The following ADAMTSL2 variants were observed in gnomAD, a reference collection of about 807,000 sequenced individuals.
ADAMTSL2 encodes ADAMTS like 2.
In ADAMTSL2, 55 loss-of-function variants were observed where a neutral mutation model predicts 117.0. The ratio of observed to expected loss-of-function variants is 0.47; its 90% CI spans 0.38 to 0.59. ADAMTSL2 has a LOEUF of 0.59. Ranked by LOEUF, ADAMTSL2 falls within the 20% of genes least tolerant of loss-of-function variation. The pLI, the probability that ADAMTSL2 is intolerant of heterozygous loss-of-function variation, is 0.00. For synonymous variants in ADAMTSL2, 572 were observed against 566.4 expected (o/e 1.01, Z -0.14); for missense variants, 1,182 against 1,354.5 (o/e 0.87, Z 2.00).
chr9:133,538,386 A>G lies in ADAMTSL2; in HGVS notation c.271A>G (p.Thr91Ala), dbSNP rs1310341796. Reference sequence around the variant, plus strand: ...CCCGGGCCCCGGGAACAGGACCTGCACGGGCACGTCCAAGCGGTACCAGCT... The same window carrying G: ...CCCGGGCCCCGGGAACAGGACCTGCGCGGGCACGTCCAAGCGGTACCAGCT... ...SVPGPGNRTC[T>A]GTSKRYQLCR... Residue 91 changes from threonine to alanine, a missense_variant, in exon 4 of 19, where the codon ACG becomes GCG. By Grantham distance (58) the Thr-to-Ala change is moderately conservative (BLOSUM62 0). Transcript: ENST00000651351. 6.2e-7 allele frequency: 1 copy of G among 1,613,190 alleles called. No homozygotes were observed. The highest frequency in any genetic ancestry group is 8.5e-7 in the Non-Finnish European group (1 of 1,180,046).
At chr9:133,560,572 G>C (rs1257484890) in intron 11 of ADAMTSL2, among the ~76,000 whole-genome samples, 5 of 152,270 alleles carry the variant, frequency 3.3e-5, no homozygotes, top group Non-Finnish European at 7.3e-5. Flanking sequence ...AAGAATCATA[G>C]CTGGTGGCTG....
chr9:133,567,517 A>T (rs1198802858), intron 13 of ADAMTSL2, among the ~76,000 whole-genome samples: 2 of 152,100 alleles, frequency 1.3e-5, no homozygotes, highest in Non-Finnish European at 2.9e-5. Flanking sequence ...AGCTGAGTGC[A>T]TCCTACACCT....
rs200207518 is a variant in ADAMTSL2, at chr9:133,558,376, A to G, written c.1649+2446A>G. Among the ~76,000 whole-genome samples the G allele has an allele frequency of 0.055, 8,421 of 152,308 alleles. 307 individuals are homozygous for G. The highest frequency in any genetic ancestry group is 0.15 in the South Asian group (732 of 4,824). On this transcript the variant is annotated intron_variant, in intron 11 of 18. Transcript: ENST00000651351. This position sits in a 1 kb window ranked among gnomAD's most constrained non-coding sequence, Gnocchi z 4.3. The stretch of plus-strand genomic sequence containing the variant: ...AACACAGGAAGTCGTGTCTGCTCAG[A>G]GAAGGCAAAATCAAAGGGGCAGCCC...
At chr9:133,541,120 C>A in intron 7 of ADAMTSL2, 119 bp downstream of exon 7, 1 of 1,420,684 alleles carries the variant, frequency 7.0e-7, no homozygotes, top group Non-Finnish European at 9.7e-7. Flanking sequence ...CCTCTAGGGG[C>A]ACCTGATTCA....
intron 1 of ADAMTSL2, among the ~76,000 whole-genome samples, chr9:133,535,822 C>T (rs1440377765): frequency 6.6e-6 from 1 of 152,170 alleles, no homozygotes; most frequent in Non-Finnish European, 1.5e-5. Flanking sequence ...TCTGGTCTTC[C>T]CTTCCACAGG....
At chr9:133,533,817 T>C (rs796426946), upstream of ADAMTSL2, among the ~76,000 whole-genome samples, 4 of 152,290 alleles carry the variant, frequency 2.6e-5, no homozygotes, top group African/African-American at 9.6e-5. Context: ...GATGGAATGG[T>C]GCCCCAGCTT....
At position 133,557,858 on chromosome 9, in the gene ADAMTSL2, C is replaced by T. The variant is rs1383144202; in HGVS notation, c.1649+1928C>T. Among the ~76,000 whole-genome samples, 1 of 152,200 alleles carries T rather than the reference C, an allele frequency of 6.6e-6. No individual in the cohort carries two copies. The highest frequency in any genetic ancestry group is 1.5e-5 in the Non-Finnish European group (1 of 68,032). ...AAATAGAATAGGTTTATCAGAGTGG[C>T]ACCGAGGCCTCGCTGTGGAATTTGG... On this transcript the variant is annotated intron_variant, in intron 11 of 18. Coordinates refer to ENST00000651351, the MANE Select transcript of ADAMTSL2 (RefSeq NM_014694.4). This position sits in a 1 kb window ranked among gnomAD's most constrained non-coding sequence, Gnocchi z 5.2.
rs1830553616 is a variant in ADAMTSL2 at position 133,554,311 on chromosome 9, C to T, written c.940-46C>T. On this transcript the variant is annotated intron_variant, in intron 9 of 18. Coordinates refer to ENST00000651351, the MANE Select transcript of ADAMTSL2 (RefSeq NM_014694.4). This position sits in a 1 kb window ranked among gnomAD's most constrained non-coding sequence, Gnocchi z 5.2. ...GGGAAGGGGATTGGTGGGGAAGGGG[C>T]TGGACAGAGTAAGGAGGGGCTGGGG... is the stretch of plus-strand genomic sequence containing the variant. The T allele has an allele frequency of 6.0e-6, 9 of 1,490,698 alleles. No homozygotes were observed. Among genetic ancestry groups the T allele is most frequent in the East Asian group, 4.9e-5 (2 of 40,616 alleles). 92.3% of individuals were successfully genotyped at this position (1,490,698 alleles called of 1,614,324 possible).
rs1434146365 is a variant in ADAMTSL2, at chr9:133,568,357, C to G, written c.1959C>G (p.Leu653=). 147 of 1,595,274 alleles carry G rather than the reference C, an allele frequency of 9.2e-5. No homozygotes were observed. The highest frequency in any genetic ancestry group is 1.2e-4 in the Non-Finnish European group (139 of 1,171,712). Reference sequence around the variant, plus strand: ...GCGTCGTGCGCTGCTGGAAGATGCTCTCGCCCGGCTTCGACAGCTCCGTGT... The same window carrying G: ...GCGTCGTGCGCTGCTGGAAGATGCTGTCGCCCGGCTTCGACAGCTCCGTGT... ...QFRVVRCWKM[L]SPGFDSSVYS... The change falls in exon 14 of 19, where the codon CTC becomes CTG. Residue 653 remains leucine (L), a synonymous_variant. Coordinates refer to ENST00000651351, the MANE Select transcript of ADAMTSL2 (RefSeq NM_014694.4).
intron 15 of ADAMTSL2, 41 bp downstream of exon 15, chr9:133,568,799 G>T: frequency 6.2e-7 from 1 of 1,612,396 alleles, no homozygotes; most frequent in Non-Finnish European, 8.5e-7. Context: ...TGCGGCTGGT[G>T]AGGGGACCCA....
At chr9:133,556,036 TG>T in intron 11 of ADAMTSL2, 106 bp downstream of exon 11, 5 of 1,435,566 alleles carry the variant, frequency 3.5e-6, no homozygotes, top group Non-Finnish European at 4.7e-6. Flanking sequence ...CCAGAAGGGC[TG>T]AGGTCCTAGA....
chr9:133,555,343 C>T (rs1280033431), intron 10 of ADAMTSL2, among the ~76,000 whole-genome samples: 3 of 152,270 alleles, frequency 2.0e-5, no homozygotes, highest in East Asian at 1.9e-4. Flanking sequence ...CTACAGAAGT[C>T]GATTGAATTC....
rs1388198734 is a variant in ADAMTSL2, at chr9:133,534,710, C to T, written c.-358C>T. ...CCGCCGGCGCAGAGCCGCCACTGGG[C>T]TGCGCCCCTCCCGGGAACCCCCTCT... On this transcript the variant is annotated 5_prime_UTR_variant, in exon 1 of 19. Transcript: ENST00000651351. 2.9e-6 allele frequency: 4 copies of T among 1,375,590 alleles called. No homozygotes were observed. Among genetic ancestry groups the T allele is most frequent in the Non-Finnish European group, 3.8e-6 (4 of 1,058,310 alleles). 85.2% of individuals were successfully genotyped at this position (1,375,590 alleles called of 1,614,324 possible).
At position 133,568,453 on chromosome 9, in the gene ADAMTSL2, C is replaced by T. The variant is rs1271020006; in HGVS notation, c.2055C>T (p.Cys685=). The change falls in exon 14 of 19, where the codon TGC becomes TGT. Residue 685 remains cysteine (C), a synonymous_variant. Coordinates refer to ENST00000651351, the MANE Select transcript of ADAMTSL2 (RefSeq NM_014694.4). The part of the protein sequence containing the change: ...EERKTCRNPA[C]GPQWEMSEWS... ...GCAAGACCTGCCGGAACCCCGCCTG[C>T]GGGCCCCAGTGGGAGATGTCGGAGT... 39 of 1,607,318 alleles carry T rather than the reference C, an allele frequency of 2.4e-5. 1 individual carries two copies. The highest frequency in any genetic ancestry group is 1.3e-4 in the South Asian group (12 of 90,034).
chr9:133,542,475 C>G (rs573714212), intron 7 of ADAMTSL2, among the ~76,000 whole-genome samples: 1 of 152,330 alleles, frequency 6.6e-6, no homozygotes, highest in East Asian at 1.9e-4. Flanking sequence ...GTGCCAGGCA[C>G]TGTGCACACA....
intron 13 of ADAMTSL2, among the ~76,000 whole-genome samples, chr9:133,567,479 C>T (rs1831001978): frequency 6.6e-6 from 1 of 152,322 alleles, no homozygotes; most frequent in East Asian, 1.9e-4. Context: ...TGGGCCTCGT[C>T]TCCTGCCTTG....
At chr9:133,562,025 G>A (rs1370107085) in intron 12 of ADAMTSL2, among the ~76,000 whole-genome samples, 1 of 152,232 alleles carries the variant, frequency 6.6e-6, no homozygotes, top group Non-Finnish European at 1.5e-5. Context: ...CGGCTGTGAG[G>A]TCACATTTTA....
At chr9:133,538,486 G>C in intron 4 of ADAMTSL2, 62 bp downstream of exon 4, 2 of 1,589,292 alleles carry the variant, frequency 1.3e-6, no homozygotes, top group Non-Finnish European at 1.7e-6. Flanking sequence ...GCAGTTTTCA[G>C]GGGGTCTTCC....
Position 133,554,180 on chromosome 9 carries a change from G to T in ADAMTSL2, c.940-177G>T, listed in dbSNP as rs1159795408. On this transcript the variant is annotated intron_variant, in intron 9 of 18. Transcript: ENST00000651351. This position sits in a 1 kb window ranked among gnomAD's most constrained non-coding sequence, Gnocchi z 5.2. ...GCCCTGTTCCCAGGCTCTTTGACTT[G>T]GATGCCCCTGGGGCAGGAGCACTGC... Among the ~76,000 whole-genome samples the T allele has an allele frequency of 6.6e-6, 1 of 152,214 alleles. No homozygotes were observed. Among genetic ancestry groups the T allele is most frequent in the African/African-American group, 2.4e-5 (1 of 41,454 alleles).
Sources: gnomAD v4.1 joint callset for allele counts (sites outside exome capture counted in the v4.1 genomes callset) on GRCh38, gnomAD v4.1.1 for gene constraint, Gnocchi (gnomAD v3.1) non-coding constraint, MANE v1.5 for transcripts, NCBI Gene and HGNC (gene_info 2026-07-23, HGNC 2026-07-21) for gene names.